The following CDH3 variants were observed in gnomAD, a reference collection of about 807,000 sequenced individuals.
The protein encoded by CDH3 is cadherin-3.
Under a neutral mutation model 82.0 loss-of-function variants are expected in CDH3, and 54 were observed. That is an observed-to-expected ratio of 0.66 (90% CI 0.53 to 0.83). CDH3 has a LOEUF of 0.83. Ranked by LOEUF, CDH3 falls within the 40% of genes least tolerant of loss-of-function variation. The probability of loss-of-function intolerance (pLI) is 0.00; values close to 1 mark genes in which losing one functional copy is unlikely to be tolerated. For missense variants in CDH3, 1,054 were observed against 1,084.6 expected, an observed-to-expected ratio of 0.97 and a Z score of 0.40; for synonymous variants, 446 against 437.9, an observed-to-expected ratio of 1.02 and a Z score of -0.23.
intron 2 of CDH3, among the ~76,000 whole-genome samples, chr16:68,723,535 T>C (rs1962186465): frequency 6.6e-6 from 1 of 152,206 alleles, no homozygotes; most frequent in South Asian, 2.1e-4. Flanking sequence ...TGAGTCATTT[T>C]ACAGAAGATA....
chr16:68,669,638 C>T (rs1960833575), intron 2 of CDH3, among the ~76,000 whole-genome samples: 1 of 151,928 alleles, frequency 6.6e-6, no homozygotes, highest in South Asian at 2.1e-4. Context: ...GCGGTAGCAG[C>T]TCTCAGAGTT....
chr16:68,718,166 G>A (rs760574300), intron 1 of CDH3, among the ~76,000 whole-genome samples: 6 of 151,596 alleles, frequency 4.0e-5, no homozygotes, highest in Non-Finnish European at 7.4e-5. Context: ...GTGCCACTCT[G>A]GCTAGTTTTT....
At chr16:68,686,962 T>C (rs769035436) in intron 11 of CDH3, among the ~76,000 whole-genome samples, 1 of 152,142 alleles carries the variant, frequency 6.6e-6, no homozygotes, top group Non-Finnish European at 1.5e-5. Context: ...AGTAAGACTC[T>C]CAAATAAGTA....
At chr16:68,689,954 A>C (rs999831488) in intron 12 of CDH3, among the ~76,000 whole-genome samples, 1 of 152,124 alleles carries the variant, frequency 6.6e-6, no homozygotes, top group African/African-American at 2.4e-5. Flanking sequence ...TGATGAAAAA[A>C]CTTCCACACA....
At chr16:68,647,512 C>T (rs1005953360) in intron 2 of CDH3, among the ~76,000 whole-genome samples, 7 of 152,040 alleles carry the variant, frequency 4.6e-5, no homozygotes, top group Admixed American at 2.0e-4. Context: ...GTCTGCTTTA[C>T]GGTTGTGAAA....
At chr16:68,679,053 G>C (rs912510545) in intron 6 of CDH3, 147 bp downstream of exon 6, 5 of 810,906 alleles carry the variant, frequency 6.2e-6, no homozygotes, top group African/African-American at 3.4e-5. Context: ...CCATCCCAAG[G>C]TTCCTGAATA....
chr16:68,678,076 A>G (rs182861880), intron 3 of CDH3, 58 bp from the exon 4 acceptor site: 19 of 1,485,616 alleles, frequency 1.3e-5, no homozygotes, highest in Admixed American at 6.7e-5. Flanking sequence ...AGGTGAGAGG[A>G]TGTTGAGCAT....
intron 1 of CDH3, among the ~76,000 whole-genome samples, chr16:68,719,543 T>G (rs1962138356): frequency 1.4e-5 from 2 of 138,514 alleles, no homozygotes; most frequent in African/African-American, 5.4e-5. Flanking sequence ...AGTCTCGCTC[T>G]GTCACCCAGG....
At chr16:68,701,108 A>C (rs766610345), downstream of CDH3, among the ~76,000 whole-genome samples, 14 of 152,196 alleles carry the variant, frequency 9.2e-5, no homozygotes, top group Admixed American at 1.3e-4. Flanking sequence ...GAGGCTAATC[A>C]TGAAACCAAG....
chr16:68,663,475 C>T (rs1046764525), intron 2 of CDH3, among the ~76,000 whole-genome samples: 2 of 151,950 alleles, frequency 1.3e-5, no homozygotes, highest in African/African-American at 2.4e-5. Flanking sequence ...ACCCCGAGAT[C>T]CACCCGCCTC....
chr16:68,664,659 A>ATAT (rs956486694), intron 2 of CDH3, among the ~76,000 whole-genome samples: 7 of 152,000 alleles, frequency 4.6e-5, no homozygotes, highest in African/African-American at 1.7e-4. Flanking sequence ...CATTTTATTG[A>ATAT]TATTATTATT....
At chr16:68,688,244 GC>G (rs1413351499) in intron 12 of CDH3, among the ~76,000 whole-genome samples, 1 of 151,704 alleles carries the variant, frequency 6.6e-6, no homozygotes, top group Non-Finnish European at 1.5e-5. Flanking sequence ...GGAGACCGTT[GC>G]CCCCGTGGCC....
rs1962175158 is a variant in CDH3 at position 68,722,467 on chromosome 16, GC to G, written c.144del (p.Thr49ProfsTer31). 2.6e-5 allele frequency: 4 copies of G among 152,216 alleles called. No individual in the cohort carries two copies. Among genetic ancestry groups the G allele is most frequent in the Non-Finnish European group, 5.9e-5 (4 of 68,092 alleles). 9.4% of individuals were successfully genotyped at this position (152,216 alleles called of 1,614,324 possible). A position where few individuals can be genotyped will look rare whatever the true frequency, so the allele number is the denominator to read the frequency against. On this transcript the variant is annotated frameshift_variant, in exon 2 of 3. Transcript: ENST00000569080. LOFTEE classifies it high-confidence loss of function. ...GTCTCCACCCTGGCAGGAAGCTCTT[GC>G]CACCGGCTACAGTCTGGATCCAGCC...
rs555003935 is a variant in CDH3 at position 68,655,888 on chromosome 16, G to T, written c.160+10138G>T. On this transcript the variant is annotated intron_variant, in intron 2 of 15. Transcript: ENST00000264012. ...AAAAAAAGAAAAAGAGATTGAGGGG[G>T]AGGTGGGAAAGGAGTGATATAGAGT... Among the ~76,000 whole-genome samples the T allele has an allele frequency of 1.7e-3, 265 of 152,198 alleles. 1 individual carries two copies. The highest frequency in any genetic ancestry group is 6.1e-3 in the African/African-American group (252 of 41,546).
At chr16:68,667,932 G>A (rs2152095559) in intron 2 of CDH3, among the ~76,000 whole-genome samples, 1 of 152,264 alleles carries the variant, frequency 6.6e-6, no homozygotes, top group Admixed American at 6.5e-5. Flanking sequence ...TGTGTCCTAT[G>A]ATATTAATTG....
In CDH3 at chr16:68,679,784, A is replaced by G; in HGVS notation, c.692-15A>G. 1 of 1,592,132 alleles carries G rather than the reference A, an allele frequency of 6.3e-7. No individual in the cohort carries two copies. Among genetic ancestry groups the G allele is most frequent in the South Asian group, 1.1e-5 (1 of 90,700 alleles). On this transcript the variant is annotated splice_polypyrimidine_tract_variant and intron_variant, in intron 6 of 15. Transcript: ENST00000264012. ...TTGGAACTGGGAGGAAAAGATACTC[A>G]TCCCTTCTCTCCAGGTACTTCTGTG...
intron 2 of CDH3, among the ~76,000 whole-genome samples, chr16:68,662,831 C>A (rs1033575404): frequency 8.7e-5 from 13 of 148,908 alleles, no homozygotes; most frequent in African/African-American, 3.2e-4. Flanking sequence ...CAGGTGTGAG[C>A]CACCGTTCCC....
chr16:68,679,878 C>A lies in CDH3; in HGVS notation c.771C>A (p.Ile257=). ...YTYNGVVAYS[I]HSQEPKDPHD... is the part of the protein sequence containing the mutation. ...ACAATGGGGTGGTTGCTTACTCCAT[C>A]CATAGCCAAGAACCAAAGGACCCAC... The change falls in exon 7 of 16, where the codon ATC becomes ATA. Residue 257 remains isoleucine, a synonymous_variant. Transcript: ENST00000264012. The A allele has an allele frequency of 6.2e-7, 1 of 1,613,680 alleles. No homozygotes were observed. The highest frequency in any genetic ancestry group is 8.5e-7 in the Non-Finnish European group (1 of 1,179,596).
chr16:68,685,438 G>GA, intron 11 of CDH3, 88 bp downstream of exon 11: 8 of 1,431,410 alleles, frequency 5.6e-6, no homozygotes, highest in Non-Finnish European at 7.8e-6. Flanking sequence ...TCCACAGGTG[G>GA]GAACATGTGT....
Sources: gnomAD v4.1 joint callset for allele counts (sites outside exome capture counted in the v4.1 genomes callset) on GRCh38, gnomAD v4.1.1 for gene constraint, MANE v1.5 for transcripts, NCBI Gene and HGNC (gene_info 2026-07-23, HGNC 2026-07-21) for gene names.